The following ATP8A1 variants were observed in gnomAD, a reference collection of about 807,000 sequenced individuals.
ATP8A1 encodes the protein ATPase phospholipid transporting 8A1.
In ATP8A1, 90 loss-of-function variants were observed where a neutral mutation model predicts 177.7. The ratio of observed to expected loss-of-function variants is 0.51; its 90% CI spans 0.43 to 0.60. The LOEUF (loss-of-function observed/expected upper bound fraction) is 0.60, where lower values mean the gene tolerates loss of function less well. Ranked by LOEUF, ATP8A1 falls within the 20% of genes least tolerant of loss-of-function variation. The probability of loss-of-function intolerance (pLI) is 0.00; values close to 1 mark genes in which losing one functional copy is unlikely to be tolerated. For missense variants in ATP8A1, 1,072 were observed against 1,392.8 expected (o/e 0.77, Z 3.67); for synonymous variants, 493 against 485.9 (o/e 1.01, Z -0.19).
chr4:42,446,484 T>C (rs1717265992), intron 31 of ATP8A1, 99 bp downstream of exon 31: 2 of 1,252,478 alleles, frequency 1.6e-6, no homozygotes, highest in African/African-American at 3.0e-5. Context: ...AACCCTTAAA[T>C]CCAGAAACAC....
chr4:42,433,362 C>A (rs1262566268), intron 33 of ATP8A1, among the ~76,000 whole-genome samples: 1 of 152,172 alleles, frequency 6.6e-6, no homozygotes, highest in Non-Finnish European at 1.5e-5. Context: ...TACTCCATGA[C>A]AAACTAGCTC....
At chr4:42,537,297 C>T (rs1039395531) in intron 20 of ATP8A1, among the ~76,000 whole-genome samples, 1 of 151,736 alleles carries the variant, frequency 6.6e-6, no homozygotes, top group African/African-American at 2.4e-5. Flanking sequence ...CTATGACAAA[C>T]CCATAGTCAA....
intron 8 of ATP8A1, among the ~76,000 whole-genome samples, chr4:42,587,375 T>A (rs1357741996): frequency 1.3e-5 from 2 of 151,112 alleles, no homozygotes; most frequent in African/African-American, 4.9e-5. Flanking sequence ...TGGCATGATC[T>A]CGGCTCACTA....
rs144417286 is a variant in ATP8A1, at chr4:42,440,517, G to A, written c.3123+3048C>T. 5.7e-3 allele frequency among the ~76,000 whole-genome samples: 866 copies of A among 152,140 alleles called. 9 individuals carry two copies. Among genetic ancestry groups the A allele is most frequent in the African/African-American group, 0.019 (794 of 41,506 alleles). ...GTCTGCCCCCTTGCACTAGAAAAGTGAGCTATGGGAGGGCATGGGTTTCTG... is the reference window on the plus strand; with the variant it reads ...GTCTGCCCCCTTGCACTAGAAAAGTAAGCTATGGGAGGGCATGGGTTTCTG... On this transcript the variant is annotated intron_variant, in intron 33 of 36. Transcript: ENST00000381668.
chr4:42,600,933 A>C (rs772220645), intron 5 of ATP8A1, among the ~76,000 whole-genome samples: 1 of 152,178 alleles, frequency 6.6e-6, no homozygotes, highest in Non-Finnish European at 1.5e-5. Context: ...TTTAGTAAAA[A>C]TTTAACACAT....
At chr4:42,555,085 G>GTATCTATCTATCTATC (rs200520162) in intron 16 of ATP8A1, among the ~76,000 whole-genome samples, 4 of 119,476 alleles carry the variant, frequency 3.3e-5, no homozygotes, top group Admixed American at 8.8e-5. Context: ...CTTTGTGTGT[G>GTATCTATCTATCTATC]TATCTATCTA....
intron 1 of ATP8A1, among the ~76,000 whole-genome samples, chr4:42,636,117 A>C (rs1560546369): frequency 1.0e-5 from 1 of 95,592 alleles, no homozygotes; most frequent in Non-Finnish European, 2.2e-5. Context: ...CAATGGGCTT[A>C]ATACACACAC....
rs553447661 is a variant in ATP8A1 at position 42,492,580 on chromosome 4, G to A, written c.2152-6912C>T. On this transcript the variant is annotated intron_variant, in intron 24 of 36. Transcript: ENST00000381668. ...ACACTGTCTATGAACCAGGAAGAAGGCTCTCAAGAGACACCAAATCTGCTG... is the reference window on the plus strand; with the variant it reads ...ACACTGTCTATGAACCAGGAAGAAGACTCTCAAGAGACACCAAATCTGCTG... Among the ~76,000 whole-genome samples, 3 of 152,288 alleles carry A rather than the reference G, an allele frequency of 2.0e-5. No homozygotes were observed. In the South Asian group the frequency reaches 6.2e-4, roughly 32 times the overall value.
At chr4:42,516,474 T>C (rs1193702272) in intron 22 of ATP8A1, among the ~76,000 whole-genome samples, 2 of 152,248 alleles carry the variant, frequency 1.3e-5, no homozygotes, top group Non-Finnish European at 2.9e-5. Flanking sequence ...AATACTGCTT[T>C]AATCAGTGAT....
At chr4:42,471,944 T>C (rs774394826) in intron 25 of ATP8A1, 89 of 676,480 alleles carry the variant, frequency 1.3e-4, no homozygotes, top group Non-Finnish European at 2.2e-4. Context: ...AAGCTGAGTA[T>C]TACAGCAGCC....
At chr4:42,485,438 C>G in intron 25 of ATP8A1, 58 bp downstream of exon 25, 7 of 1,463,596 alleles carry the variant, frequency 4.8e-6, no homozygotes, top group Non-Finnish European at 6.4e-6. Flanking sequence ...GTTTATAAAT[C>G]AAGAACTTAG....
chr4:42,514,609 T>C (rs1055065625), intron 22 of ATP8A1, among the ~76,000 whole-genome samples: 1 of 152,206 alleles, frequency 6.6e-6, no homozygotes, highest in Non-Finnish European at 1.5e-5. Context: ...CTGAGTGATC[T>C]AGTGATTATG....
At chr4:42,547,559 CAATT>C (rs1250663703) in intron 19 of ATP8A1, among the ~76,000 whole-genome samples, 1 of 152,104 alleles carries the variant, frequency 6.6e-6, no homozygotes, top group Non-Finnish European at 1.5e-5. Flanking sequence ...ATCTAAATGG[CAATT>C]AATAGACTAC....
intron 33 of ATP8A1, among the ~76,000 whole-genome samples, chr4:42,438,009 A>C (rs550464692): frequency 1.2e-4 from 18 of 152,342 alleles, no homozygotes; most frequent in African/African-American, 3.6e-4. Flanking sequence ...TGGTCAGTTC[A>C]TCAACCAGAT....
chr4:42,629,416 T>C (rs1228347517), intron 1 of ATP8A1, among the ~76,000 whole-genome samples: 3 of 152,202 alleles, frequency 2.0e-5, no homozygotes, highest in Non-Finnish European at 4.4e-5. Context: ...TGAAGCTGAA[T>C]GTATGCAGAA....
Position 42,569,220 on chromosome 4 carries a change from AAG to A in ATP8A1, c.1296-17_1296-16del, listed in dbSNP as rs1198364500. 2.4e-5 allele frequency: 39 copies of A among 1,601,332 alleles called. No homozygotes were observed. Among genetic ancestry groups the A allele is most frequent in the Non-Finnish European group, 3.1e-5 (36 of 1,172,792 alleles). ...CAGGGACATGGCTTCAGAAAGCAAG[AAG>A]AGAGGCAGAAAGAGAGGAAAAATAA... On this transcript the variant is annotated splice_polypyrimidine_tract_variant and intron_variant, in intron 14 of 36. Transcript: ENST00000381668.
intron 25 of ATP8A1, among the ~76,000 whole-genome samples, chr4:42,481,244 C>T (rs986218771): frequency 6.6e-6 from 1 of 152,208 alleles, no homozygotes; most frequent in African/African-American, 2.4e-5. Flanking sequence ...GAAGGTCCAT[C>T]CACAACCTAA....
intron 24 of ATP8A1, among the ~76,000 whole-genome samples, chr4:42,501,438 G>A (rs1034185127): frequency 1.3e-5 from 2 of 152,178 alleles, no homozygotes; most frequent in Non-Finnish European, 2.9e-5. Flanking sequence ...GGACAGAACT[G>A]TGCTCTTCAC....
chr4:42,628,087 T>C (rs1354176718), intron 1 of ATP8A1, among the ~76,000 whole-genome samples: 1 of 152,162 alleles, frequency 6.6e-6, no homozygotes, highest in Non-Finnish European at 1.5e-5. Context: ...ATAGAGGGTG[T>C]GTTATTCATC....
Sources: allele counts gnomAD v4.1 joint callset (sites outside exome capture counted in the v4.1 genomes callset), GRCh38; gene constraint gnomAD v4.1.1; transcripts MANE v1.5; gene names NCBI Gene and HGNC (gene_info 2026-07-23, HGNC 2026-07-21).